SCAPER: variants seen among roughly 807,000 people sequenced by gnomAD.
The protein encoded by SCAPER is S-phase cyclin A associated protein in the ER.
In SCAPER, 98 loss-of-function variants were observed where a neutral mutation model predicts 182.2. That is an observed-to-expected ratio of 0.54 (90% CI 0.46 to 0.64). The LOEUF (loss-of-function observed/expected upper bound fraction) is 0.64, where lower values mean the gene tolerates loss of function less well. Among genes scored for constraint, SCAPER ranks in the 30% least tolerant of loss-of-function variants. The pLI, the probability that SCAPER is intolerant of heterozygous loss-of-function variation, is 0.00. For missense variants in SCAPER, 1,432 were observed against 1,690.0 expected (o/e 0.85, Z 2.68); for synonymous variants, 605 against 564.6 (o/e 1.07, Z -1.01).
intron 24 of SCAPER, among the ~76,000 whole-genome samples, chr15:76,478,505 A>C (rs62028433): frequency 0.068 from 10,330 of 152,064 alleles, 388 homozygotes; most frequent in Middle Eastern, 0.11. Flanking sequence ...GAGATGAGGT[A>C]ATTATTCATT....
intron 26 of SCAPER, among the ~76,000 whole-genome samples, chr15:76,428,669 T>G (rs1319604655): frequency 1.3e-5 from 2 of 151,792 alleles, no homozygotes; most frequent in South Asian, 2.1e-4. Flanking sequence ...GAAGAGAGGT[T>G]GGTCAATGGG....
intron 23 of SCAPER, among the ~76,000 whole-genome samples, chr15:76,526,454 A>G (rs1487098689): frequency 6.6e-6 from 1 of 152,128 alleles, no homozygotes; most frequent in African/African-American, 2.4e-5. Context: ...CCTTTATTCA[A>G]TTCTTGAAAA....
At chr15:76,534,015 C>T (rs2043910244) in intron 23 of SCAPER, among the ~76,000 whole-genome samples, 2 of 152,158 alleles carry the variant, frequency 1.3e-5, no homozygotes, top group Admixed American at 1.3e-4. Context: ...AAGATTAATT[C>T]AGAGCAATAT....
In SCAPER at chr15:76,649,427, C is replaced by CCCTGCT. The variant is rs1244641850; in HGVS notation, c.2645+16220_2645+16225dup. 2.6e-5 allele frequency among the ~76,000 whole-genome samples: 4 copies of CCCTGCT among 151,772 alleles called. No homozygotes were observed. In the East Asian group the frequency reaches 7.7e-4, roughly 29 times the overall value. On this transcript the variant is annotated intron_variant, in intron 21 of 31. Coordinates refer to ENST00000563290, the MANE Select transcript of SCAPER (RefSeq NM_020843.4). The stretch of plus-strand genomic sequence containing the variant: ...CCTAGGCGACCGAATGAGACAATCC[C>CCCTGCT]CCTGCTCCCCACCACCACCCCCAAA...
At chr15:76,897,393 G>GA (rs879838753) in intron 1 of SCAPER, among the ~76,000 whole-genome samples, 277 of 144,450 alleles carry the variant, frequency 1.9e-3, no homozygotes, top group Middle Eastern at 3.6e-3. Context: ...CTCCAAAGAG[G>GA]AAAAAAAAAA....
At chr15:76,863,344 C>G (rs2151888566) in intron 2 of SCAPER, among the ~76,000 whole-genome samples, 1 of 152,318 alleles carries the variant, frequency 6.6e-6, no homozygotes, top group South Asian at 2.1e-4. Context: ...GGAAACCTGC[C>G]TCTTTGTGAA....
At chr15:76,637,770 GTGTGTGTGTGT>G (rs2053757430) in intron 21 of SCAPER, among the ~76,000 whole-genome samples, 1 of 143,068 alleles carries the variant, frequency 7.0e-6, no homozygotes, top group South Asian at 2.2e-4. Context: ...GTGTGTGTGT[GTGTGTGTGTGT>G]GTGTGTGTGT....
chr15:76,516,940 A>G (rs2042472134), intron 23 of SCAPER, among the ~76,000 whole-genome samples: 1 of 152,238 alleles, frequency 6.6e-6, no homozygotes, highest in Admixed American at 6.5e-5. Context: ...AAGTCCTCAC[A>G]ACAATCCTAT....
intron 24 of SCAPER, among the ~76,000 whole-genome samples, chr15:76,495,181 A>T (rs157766): frequency 0.22 from 33,719 of 151,918 alleles, 4,974 homozygotes; most frequent in African/African-American, 0.42. Flanking sequence ...TACCAGAGCA[A>T]TTTTTTCTTA....
intron 17 of SCAPER, among the ~76,000 whole-genome samples, chr15:76,709,623 T>G (rs1392453144): frequency 1.3e-5 from 2 of 152,190 alleles, no homozygotes; most frequent in Non-Finnish European, 2.9e-5. Context: ...TACTGGTAAA[T>G]TCCCCCAAAC....
intron 10 of SCAPER, among the ~76,000 whole-genome samples, chr15:76,768,731 C>T (rs2063259744): frequency 1.3e-5 from 2 of 151,788 alleles, no homozygotes; most frequent in South Asian, 4.1e-4. Flanking sequence ...TTTCAGTACC[C>T]CTCTTTCAAC....
chr15:76,521,082 A>C (rs1198140243), intron 23 of SCAPER, among the ~76,000 whole-genome samples: 1 of 152,230 alleles, frequency 6.6e-6, no homozygotes, highest in Non-Finnish European at 1.5e-5. Context: ...GCTAAGAATA[A>C]ATGGTAAAAG....
chr15:76,455,201 TC>T (rs1396353909), intron 25 of SCAPER, among the ~76,000 whole-genome samples: 1 of 152,190 alleles, frequency 6.6e-6, no homozygotes. Context: ...TGTTGTTATT[TC>T]CGTTCCTCCA....
intron 8 of SCAPER, among the ~76,000 whole-genome samples, chr15:76,778,185 T>C (rs1034682895): frequency 1.3e-5 from 2 of 152,162 alleles, no homozygotes; most frequent in African/African-American, 4.8e-5. Flanking sequence ...GAATCATCTT[T>C]CATAGTAATG....
intron 15 of SCAPER, among the ~76,000 whole-genome samples, chr15:76,739,178 C>G (rs280027): frequency 0.97 from 147,900 of 152,304 alleles, 71,943 homozygotes; most frequent in South Asian, 1. Context: ...GAGCAACCAT[C>G]AATTTTTGTA....
chr15:76,770,367 G>A (rs1640746222), intron 10 of SCAPER, among the ~76,000 whole-genome samples: 2 of 151,114 alleles, frequency 1.3e-5, no homozygotes, highest in African/African-American at 4.8e-5. Context: ...AAAAAAAAAA[G>A]AAAGAAAAGA....
intron 15 of SCAPER, among the ~76,000 whole-genome samples, chr15:76,746,098 T>C (rs2061779087): frequency 1.3e-5 from 2 of 152,278 alleles, no homozygotes; most frequent in Middle Eastern, 3.4e-3. Context: ...ACAAAAAATA[T>C]AGTGTAACAG....
intron 16 of SCAPER, among the ~76,000 whole-genome samples, chr15:76,730,098 A>G (rs2060831764): frequency 1.3e-5 from 2 of 152,148 alleles, no homozygotes; most frequent in East Asian, 3.8e-4. Context: ...TAGCCATAGT[A>G]AGGGCTCAGT....
At chr15:76,528,664 T>C (rs999016310) in intron 23 of SCAPER, among the ~76,000 whole-genome samples, 1 of 152,214 alleles carries the variant, frequency 6.6e-6, no homozygotes, top group South Asian at 2.1e-4. Context: ...ATATCCAAAA[T>C]AGCTTAGAAG....
Sources: gnomAD v4.1 joint callset for allele counts (sites outside exome capture counted in the v4.1 genomes callset) on GRCh38, gnomAD v4.1.1 for gene constraint, MANE v1.5 for transcripts, NCBI Gene and HGNC (gene_info 2026-07-23, HGNC 2026-07-21) for gene names.